The following CSNK1G1 variants were observed in gnomAD, a reference collection of about 807,000 sequenced individuals.
CSNK1G1 encodes casein kinase 1 gamma 1, also known as casein kinase I isoform gamma-1.
A neutral mutation model predicts 59.6 loss-of-function variants in CSNK1G1; 22 were observed. The ratio of observed to expected loss-of-function variants is 0.37; its 90% CI spans 0.26 to 0.53. CSNK1G1 has a LOEUF of 0.53. Ranked by LOEUF, CSNK1G1 falls within the 20% of genes least tolerant of loss-of-function variation. The probability of loss-of-function intolerance (pLI) is 0.89; values close to 1 mark genes in which losing one functional copy is unlikely to be tolerated. For missense variants in CSNK1G1, 384 were observed against 519.5 expected, an observed-to-expected ratio of 0.74 and a Z score of 2.54; for synonymous variants, 179 against 177.1, an observed-to-expected ratio of 1.01 and a Z score of -0.08.
At chr15:64,354,239 A>T (rs1450810600) in intron 1 of CSNK1G1, among the ~76,000 whole-genome samples, 2 of 152,176 alleles carry the variant, frequency 1.3e-5, no homozygotes, top group Non-Finnish European at 2.9e-5. Flanking sequence ...CTGGAGGTAG[A>T]GGTTGCACTG....
At chr15:64,278,372 ATGTGCGTGTGTGTGTGTGTGTG>A (rs1893885088) in intron 2 of CSNK1G1, among the ~76,000 whole-genome samples, 1 of 119,038 alleles carries the variant, frequency 8.4e-6, no homozygotes, top group African/African-American at 3.0e-5. Flanking sequence ...ATATGCATGT[ATGTGCGTGTGTGTGTGTGTGTG>A]TGTGTGTGTG....
At position 64,170,281 on chromosome 15, in the gene CSNK1G1, C is replaced by A. The variant is rs1185054330; in HGVS notation, c.*1650G>T. On this transcript the variant is annotated 3_prime_UTR_variant, in exon 12 of 12. Transcript: ENST00000303052. ...TTCACAGTAGTACCTCATATGAAAA[C>A]ACCATGGGGGGAGGCCTAGGGCATA... is the stretch of plus-strand genomic sequence containing the variant. 6.6e-6 allele frequency: 1 copy of A among 152,188 alleles called. No individual in the cohort carries two copies. The highest frequency in any genetic ancestry group is 2.4e-5 in the African/African-American group (1 of 41,442). The allele number at this position is 152,188 out of a possible 1,614,324, so 9.4% of individuals were successfully genotyped here.
chr15:64,326,380 A>G (rs1177643232), intron 1 of CSNK1G1, among the ~76,000 whole-genome samples: 1 of 152,142 alleles, frequency 6.6e-6, no homozygotes, highest in African/African-American at 2.4e-5. Flanking sequence ...ATGGTGCTTC[A>G]CACCTGTAAT....
rs2140189322 is a variant in CSNK1G1, at chr15:64,166,856, C to A, written c.*5075G>T. 1 of 152,594 alleles carries A rather than the reference C, an allele frequency of 6.6e-6. No individual in the cohort carries two copies. Among genetic ancestry groups the A allele is most frequent in the East Asian group, 1.9e-4 (1 of 5,172 alleles). The allele number at this position is 152,594 out of a possible 1,614,324, so 9.5% of individuals were successfully genotyped here. On this transcript the variant is annotated 3_prime_UTR_variant, in exon 12 of 12. Transcript: ENST00000303052. The surrounding 1 kb of genome is among the most constrained non-coding windows in gnomAD (Gnocchi z 4.5). ...CATGAATAATCCTCTGCTCTGAGAC[C>A]TTATAGATGGTGATGGCACTGGGAA...
intron 2 of CSNK1G1, among the ~76,000 whole-genome samples, chr15:64,288,996 G>A (rs1036769628): frequency 6.6e-6 from 1 of 151,750 alleles, no homozygotes; most frequent in Non-Finnish European, 1.5e-5. Context: ...CCAACATGGC[G>A]AAACCCCATC....
rs570663679 is a variant in CSNK1G1 at position 64,179,451 on chromosome 15, C to T, written c.1214+897G>A. ...CTTAGGTACAATATCACTATAAATA[C>T]GTTGTCTGCTTCAGAAAACAAGACC... is the stretch of plus-strand genomic sequence containing the variant. On this transcript the variant is annotated intron_variant, in intron 11 of 11. Coordinates refer to ENST00000303052, the MANE Select transcript of CSNK1G1 (RefSeq NM_022048.5). Among the ~76,000 whole-genome samples the T allele has an allele frequency of 6.6e-5, 10 of 152,038 alleles. No individual in the cohort carries two copies. In the East Asian group the frequency reaches 1.9e-3, roughly 29 times the overall value.
chr15:64,295,408 A>C (rs2140393416), intron 2 of CSNK1G1, among the ~76,000 whole-genome samples: 1 of 152,254 alleles, frequency 6.6e-6, no homozygotes, highest in South Asian at 2.1e-4. Context: ...GTCATCTTTG[A>C]CTTCTTCCCA....
chr15:64,253,711 C>G (rs1465993390), intron 3 of CSNK1G1, among the ~76,000 whole-genome samples: 1 of 152,152 alleles, frequency 6.6e-6, no homozygotes, highest in Non-Finnish European at 1.5e-5. Flanking sequence ...TGGGTATATA[C>G]ATAGGGTGAA....
rs66686070 is a variant in CSNK1G1, at chr15:64,308,896, C to CA, written c.-224-8174dup. ...TGGGCGACAGAGTGAGACTCTGTCT[C>CA]AAAAAAAAAAAAAATCCTTACATGG... On this transcript the variant is annotated intron_variant, in intron 1 of 11. Coordinates refer to ENST00000303052, the MANE Select transcript of CSNK1G1 (RefSeq NM_022048.5). Among the ~76,000 whole-genome samples the CA allele has an allele frequency of 8.5e-3, 1,226 of 144,314 alleles. 17 individuals are homozygous for CA. Among genetic ancestry groups the CA allele is most frequent in the African/African-American group, 0.029 (1,147 of 39,162 alleles). The allele number at this position is 144,314 out of a possible 152,430, so 94.7% of individuals were successfully genotyped here.
intron 5 of CSNK1G1, among the ~76,000 whole-genome samples, chr15:64,215,015 G>A (rs1388663238): frequency 6.7e-6 from 1 of 150,276 alleles, no homozygotes; most frequent in East Asian, 2.0e-4. Flanking sequence ...TGCCTACGCT[G>A]GTCTCAAACT....
At chr15:64,222,491 A>G (rs2082403748) in intron 4 of CSNK1G1, among the ~76,000 whole-genome samples, 1 of 151,510 alleles carries the variant, frequency 6.6e-6, no homozygotes. Flanking sequence ...TCCTTTCAAA[A>G]TCCAAATTCT....
At chr15:64,326,041 T>C (rs137950898) in intron 1 of CSNK1G1, among the ~76,000 whole-genome samples, 20 of 152,316 alleles carry the variant, frequency 1.3e-4, no homozygotes, top group African/African-American at 4.8e-4. Context: ...GAAATAGTTT[T>C]GGAAACAGAG....
chr15:64,353,141 T>C (rs945716813), intron 1 of CSNK1G1, among the ~76,000 whole-genome samples: 1 of 152,094 alleles, frequency 6.6e-6, no homozygotes, highest in Non-Finnish European at 1.5e-5. Context: ...CTTATGAACT[T>C]CTCAAAAAAG....
rs566091482 is a variant in CSNK1G1, at chr15:64,187,728, C to T, written c.1108-7274G>A. Among the ~76,000 whole-genome samples the T allele has an allele frequency of 3.7e-4, 57 of 152,230 alleles. 1 individual carries two copies. Among genetic ancestry groups the T allele is most frequent in the African/African-American group, 1.2e-3 (50 of 41,542 alleles). Reference sequence around the variant, plus strand: ...TGTCCCAACTGATGGTGTCACTTACCAGTATGAGAACAATATTGAGGCTAA... The same window carrying T: ...TGTCCCAACTGATGGTGTCACTTACTAGTATGAGAACAATATTGAGGCTAA... On this transcript the variant is annotated intron_variant, in intron 10 of 11. Coordinates refer to ENST00000303052, the MANE Select transcript of CSNK1G1 (RefSeq NM_022048.5).
rs374112865 is a variant in CSNK1G1 at position 64,180,451 on chromosome 15, C to A, written c.1111G>T (p.Val371Phe). The A allele has an allele frequency of 7.4e-6, 12 of 1,612,318 alleles. No homozygotes were observed. Among genetic ancestry groups the A allele is most frequent in the Non-Finnish European group, 1.0e-5 (12 of 1,178,462 alleles). The part of the protein sequence containing the change: ...SQQQPLRNQV[V>F]SSTNGELNVD... Reference sequence around the variant, plus strand: ...TTCAGCTCTCCATTGGTTGAGCTAACCACCTGAAACAGAAAGACAGAAGTG... The same window carrying A: ...TTCAGCTCTCCATTGGTTGAGCTAAACACCTGAAACAGAAAGACAGAAGTG... The change falls in exon 11 of 12, where the codon GTT becomes TTT. Residue 371 changes from valine (V) to phenylalanine (F), a missense_variant. Transcript: ENST00000303052.
chr15:64,273,460 T>C (rs1367205618), intron 2 of CSNK1G1, among the ~76,000 whole-genome samples: 3 of 152,200 alleles, frequency 2.0e-5, no homozygotes, highest in Non-Finnish European at 4.4e-5. Context: ...TTTTGTAAAC[T>C]GCAAGGTGCT....
rs756049632 is a variant in CSNK1G1 at position 64,214,144 on chromosome 15, TAGAA to T, written c.445-24_445-21del. 8 of 1,525,742 alleles carry T rather than the reference TAGAA, an allele frequency of 5.2e-6. No individual in the cohort carries two copies. Among genetic ancestry groups the T allele is most frequent in the African/African-American group, 4.1e-5 (3 of 73,094 alleles). 94.5% of individuals were successfully genotyped at this position (1,525,742 alleles called of 1,614,324 possible). On this transcript the variant is annotated intron_variant, in intron 5 of 11. Transcript: ENST00000303052. This position sits in a 1 kb window ranked among gnomAD's most constrained non-coding sequence, Gnocchi z 4.3. ...AGAAAGCTGAAAGAGAAACAAATGATAGAAAGACTGTAAAGAAGTATATCAGGAA... is the reference window on the plus strand; with the variant it reads ...AGAAAGCTGAAAGAGAAACAAATGATAGACTGTAAAGAAGTATATCAGGAA...
chr15:64,215,069 G>A (rs2082293440), intron 5 of CSNK1G1, among the ~76,000 whole-genome samples: 1 of 149,982 alleles, frequency 6.7e-6, no homozygotes, highest in Non-Finnish European at 1.5e-5. Context: ...ACAAAGTGCT[G>A]GGATTATAGA....
intron 10 of CSNK1G1, among the ~76,000 whole-genome samples, chr15:64,190,827 ATAAC>A (rs779096351): frequency 3.9e-5 from 6 of 152,258 alleles, no homozygotes; most frequent in Admixed American, 3.9e-4. Flanking sequence ...AGTAATATCT[ATAAC>A]TAAACCTATC....
Sources: allele counts gnomAD v4.1 joint callset (sites outside exome capture counted in the v4.1 genomes callset), GRCh38; gene constraint gnomAD v4.1.1; non-coding constraint Gnocchi (gnomAD v3.1); transcripts MANE v1.5; gene names NCBI Gene and HGNC (gene_info 2026-07-23, HGNC 2026-07-21).